SDCCAG8: variants seen among roughly 807,000 people sequenced by gnomAD.
The protein encoded by SDCCAG8 is SHH signaling and ciliogenesis regulator SDCCAG8.
Under a neutral mutation model 101.8 loss-of-function variants are expected in SDCCAG8, and 74 were observed. That is an observed-to-expected ratio of 0.73 (90% CI 0.60 to 0.88). The LOEUF (loss-of-function observed/expected upper bound fraction) is 0.88, where lower values mean the gene tolerates loss of function less well. SDCCAG8 is among the 40% of genes least tolerant of loss of function. The probability of loss-of-function intolerance (pLI) is 0.00; values close to 1 mark genes in which losing one functional copy is unlikely to be tolerated. For synonymous variants in SDCCAG8, 281 were observed against 292.9 expected (o/e 0.96, Z 0.41); for missense variants, 787 against 822.6 (o/e 0.96, Z 0.53).
At chr1:243,307,689 G>A (rs932557833) in intron 7 of SDCCAG8, 2 of 1,295,558 alleles carry the variant, frequency 1.5e-6, no homozygotes, top group African/African-American at 3.0e-5. Context: ...TAACATTAAT[G>A]GAGGTTGGAT....
At chr1:243,340,650 C>T (rs2075332229) in intron 10 of SDCCAG8, among the ~76,000 whole-genome samples, 1 of 152,180 alleles carries the variant, frequency 6.6e-6, no homozygotes, top group Non-Finnish European at 1.5e-5. Context: ...CCCCATCAGT[C>T]CTTTTATACC....
rs78948048 is a variant in SDCCAG8 at position 243,400,873 on chromosome 1, T to G, written c.1617-14829T>G. 2.1e-3 allele frequency among the ~76,000 whole-genome samples: 313 copies of G among 152,316 alleles called. 4 individuals carry two copies. Among genetic ancestry groups the G allele is most frequent in the Admixed American group, 0.015 (229 of 15,302 alleles). On this transcript the variant is annotated intron_variant, in intron 13 of 17. Transcript: ENST00000366541. The stretch of plus-strand genomic sequence containing the variant: ...GGCACAAATTTGAAGTATGGGCCAC[T>G]AAGTCAGACTGCACTAGATTTTATT...
chr1:243,301,655 A>G (rs1403102545), intron 6 of SDCCAG8, among the ~76,000 whole-genome samples: 2 of 152,216 alleles, frequency 1.3e-5, no homozygotes, highest in Non-Finnish European at 2.9e-5. Flanking sequence ...AAAACTTTGT[A>G]CTTTTGCACA....
rs142884868 is a variant in SDCCAG8, at chr1:243,385,697, C to T, written c.1616+6834C>T. ...GAATATATTCATCTTAGGCCGGGCA[C>T]GGTGGCTCATGCCTGTAATCCCAGC... On this transcript the variant is annotated intron_variant, in intron 13 of 17. Coordinates refer to ENST00000366541, the MANE Select transcript of SDCCAG8 (RefSeq NM_006642.5). 2.1e-3 allele frequency among the ~76,000 whole-genome samples: 317 copies of T among 152,174 alleles called. 1 individual carries two copies. The highest frequency in any genetic ancestry group is 7.2e-3 in the African/African-American group (301 of 41,530).
intron 16 of SDCCAG8, among the ~76,000 whole-genome samples, chr1:243,466,436 C>T (rs962663634): frequency 2.6e-4 from 40 of 152,308 alleles, no homozygotes; most frequent in African/African-American, 8.7e-4. Context: ...AGGTTCTGAA[C>T]TCAGACAGTT....
At chr1:243,493,188 C>T (rs1242706104) in intron 17 of SDCCAG8, among the ~76,000 whole-genome samples, 1 of 121,024 alleles carries the variant, frequency 8.3e-6, no homozygotes, top group East Asian at 2.3e-4. Flanking sequence ...TCTTGAGAGG[C>T]AGGCCCTGGC....
At chr1:243,403,573 G>A (rs531049517) in intron 13 of SDCCAG8, among the ~76,000 whole-genome samples, 5 of 152,258 alleles carry the variant, frequency 3.3e-5, no homozygotes, top group Admixed American at 3.3e-4. Flanking sequence ...TAGGTTATGT[G>A]ACTTACTTAG....
In SDCCAG8 at chr1:243,389,763, C is replaced by T. The variant is rs115161276; in HGVS notation, c.1616+10900C>T. ...AACAGTCCTTTATAGATGAGGAAGC[C>T]GAGCCTCCGAAGGGGAAGCTTGAGG... is the stretch of plus-strand genomic sequence containing the variant. On this transcript the variant is annotated intron_variant, in intron 13 of 17. Transcript: ENST00000366541. 2.1e-3 allele frequency among the ~76,000 whole-genome samples: 313 copies of T among 152,196 alleles called. 2 individuals carry two copies. Among genetic ancestry groups the T allele is most frequent in the Middle Eastern group, 6.8e-3 (2 of 294 alleles).
At chr1:243,313,002 A>C (rs2072901287) in intron 8 of SDCCAG8, among the ~76,000 whole-genome samples, 1 of 152,210 alleles carries the variant, frequency 6.6e-6, no homozygotes, top group Non-Finnish European at 1.5e-5. Context: ...CATGGTAACC[A>C]AGATGGAACT....
rs567638965 is a variant in SDCCAG8 at position 243,339,919 on chromosome 1, C to G, written c.1222-1120C>G. Among the ~76,000 whole-genome samples, 17 of 152,292 alleles carry G rather than the reference C, an allele frequency of 1.1e-4. No homozygotes were observed. The South Asian group carries it at 3.5e-3, about 32-fold the overall frequency. On this transcript the variant is annotated intron_variant, in intron 10 of 17. Coordinates refer to ENST00000366541, the MANE Select transcript of SDCCAG8 (RefSeq NM_006642.5). Reference sequence around the variant, plus strand: ...AAATTGATAGGTATTCCTATATGTTCTGCTGCTTCTACATTTTAAAAACTG... The same window carrying G: ...AAATTGATAGGTATTCCTATATGTTGTGCTGCTTCTACATTTTAAAAACTG...
chr1:243,468,221 GT>G lies in SDCCAG8; in HGVS notation c.1986-20778del, dbSNP rs777469574. ...ATTATCAATAATACCTTCTTCAAAGGTTTTTTTTTTTTTTTGAGACGGAGTC... is the reference window on the plus strand; with the variant it reads ...ATTATCAATAATACCTTCTTCAAAGGTTTTTTTTTTTTTTGAGACGGAGTC... On this transcript the variant is annotated intron_variant, in intron 16 of 17. Coordinates refer to ENST00000366541, the MANE Select transcript of SDCCAG8 (RefSeq NM_006642.5). Among the ~76,000 whole-genome samples, 1,344 of 141,104 alleles carry G rather than the reference GT, an allele frequency of 9.5e-3. 6 individuals carry two copies. The highest frequency in any genetic ancestry group is 0.013 in the East Asian group (66 of 4,890). The allele number at this position is 141,104 out of a possible 152,430, so 92.6% of individuals were successfully genotyped here.
chr1:243,377,258 A>G (rs1350083995), intron 12 of SDCCAG8, among the ~76,000 whole-genome samples: 1 of 152,060 alleles, frequency 6.6e-6, no homozygotes, highest in African/African-American at 2.4e-5. Context: ...GTTAACCTAT[A>G]ATTCCAATTC....
intron 16 of SDCCAG8, among the ~76,000 whole-genome samples, chr1:243,433,431 C>CT (rs1445024705): frequency 6.6e-6 from 1 of 152,036 alleles, no homozygotes; most frequent in Non-Finnish European, 1.5e-5. Flanking sequence ...TTGGGCTGGC[C>CT]TAAGTATTGC....
intron 13 of SDCCAG8, among the ~76,000 whole-genome samples, chr1:243,385,526 T>C (rs2078225212): frequency 1.3e-5 from 2 of 152,160 alleles, no homozygotes; most frequent in South Asian, 2.1e-4. Context: ...TGGTAGGATT[T>C]GGATATAGGA....
In SDCCAG8 at chr1:243,489,120, G is replaced by C; in HGVS notation, c.2092G>C (p.Val698Leu). Residue 698 changes from valine (V) to leucine (L), a missense_variant, in exon 17 of 18, where the codon GTG becomes CTG. By Grantham distance (32) the Val-to-Leu change is conservative. Transcript: ENST00000366541. The part of the protein sequence containing the change: ...LLERQSLSEE[V>L]DRLRTQLPSM... The stretch of plus-strand genomic sequence containing the variant: ...GGAGAGGCAGAGCCTGTCGGAAGAG[G>C]TGGACCGGCTGCGGACCCAGGTACT... 1.2e-6 allele frequency: 2 copies of C among 1,612,822 alleles called. No homozygotes were observed. Among genetic ancestry groups the C allele is most frequent in the Non-Finnish European group, 1.7e-6 (2 of 1,179,976 alleles).
intron 16 of SDCCAG8, among the ~76,000 whole-genome samples, chr1:243,432,943 G>A (rs981661103): frequency 1.3e-5 from 2 of 152,108 alleles, no homozygotes. Context: ...GGGTTTGAGA[G>A]TCAAAAGAAA....
At chr1:243,287,580 G>C in intron 5 of SDCCAG8, among the ~76,000 whole-genome samples, 1 of 152,106 alleles carries the variant, frequency 6.6e-6, no homozygotes, top group East Asian at 1.9e-4. Context: ...TTTGTGATCA[G>C]TTCTTTTCTC....
chr1:243,306,917 T>C (rs1445697752), intron 7 of SDCCAG8, among the ~76,000 whole-genome samples: 2 of 152,104 alleles, frequency 1.3e-5, no homozygotes, highest in African/African-American at 4.8e-5. Flanking sequence ...GGCTGTTGGC[T>C]TCTCCTCTGT....
intron 16 of SDCCAG8, among the ~76,000 whole-genome samples, chr1:243,439,139 C>T (rs2082352214): frequency 6.6e-6 from 1 of 151,962 alleles, no homozygotes; most frequent in Non-Finnish European, 1.5e-5. Flanking sequence ...GTGACTGCTT[C>T]TTCTTTTATT....
Sources: allele counts gnomAD v4.1 joint callset (sites outside exome capture counted in the v4.1 genomes callset), GRCh38; gene constraint gnomAD v4.1.1; transcripts MANE v1.5; gene names NCBI Gene and HGNC (gene_info 2026-07-23, HGNC 2026-07-21).